Variants in MLLT3 observed in about 807,000 individuals in gnomAD.
MLLT3 encodes the protein protein AF-9.
Under a neutral mutation model 53.2 loss-of-function variants are expected in MLLT3, and 4 were observed. The ratio of observed to expected loss-of-function variants is 0.08; its 90% confidence interval spans 0.04 to 0.17. The LOEUF (loss-of-function observed/expected upper bound fraction) is 0.17. Ranked by LOEUF, MLLT3 falls within the 10% of genes least tolerant of loss-of-function variation. The pLI is 1.00. For synonymous variants in MLLT3, 283 were observed against 230.6 expected, an observed-to-expected ratio of 1.23 and a Z score of -2.06; for missense variants, 569 against 684.0, an observed-to-expected ratio of 0.83 and a Z score of 1.87.
At chr9:20,612,839 C>CA (rs1369134445) in intron 2 of MLLT3, among the ~76,000 whole-genome samples, 2 of 152,114 alleles carry the variant, frequency 1.3e-5, no homozygotes, top group African/African-American at 2.4e-5. Context: ...ATTTTCTTGA[C>CA]AGAGTATAAA....
intron 2 of MLLT3, among the ~76,000 whole-genome samples, chr9:20,517,449 C>CT (rs1563797234): frequency 2.7e-5 from 4 of 149,618 alleles, no homozygotes; most frequent in South Asian, 4.2e-4. Flanking sequence ...GAGTGAGACT[C>CT]TGTCTCAAAA....
At chr9:20,463,816 G>C (rs1193967219) in intron 2 of MLLT3, among the ~76,000 whole-genome samples, 2 of 152,018 alleles carry the variant, frequency 1.3e-5, no homozygotes, top group East Asian at 3.9e-4. Context: ...GTTAAACCTT[G>C]GGCAAAATAT....
At chr9:20,435,448 A>C (rs1823378141) in intron 4 of MLLT3, among the ~76,000 whole-genome samples, 1 of 152,180 alleles carries the variant, frequency 6.6e-6, no homozygotes, top group South Asian at 2.1e-4. Context: ...CTTGATAGAA[A>C]GCAAAACAAC....
intron 2 of MLLT3, among the ~76,000 whole-genome samples, chr9:20,583,908 C>T (rs1819876002): frequency 6.6e-6 from 1 of 152,154 alleles, no homozygotes; most frequent in South Asian, 2.1e-4. Flanking sequence ...AGGCTCCTTG[C>T]TACTTATGCA....
At chr9:20,573,952 G>A (rs1355072230) in intron 2 of MLLT3, among the ~76,000 whole-genome samples, 1 of 151,998 alleles carries the variant, frequency 6.6e-6, no homozygotes, top group Non-Finnish European at 1.5e-5. Flanking sequence ...TCATTTTTTG[G>A]GTTTGAGAAA....
chr9:20,483,800 C>T (rs760347026), intron 2 of MLLT3, among the ~76,000 whole-genome samples: 3 of 147,430 alleles, frequency 2.0e-5, no homozygotes, highest in South Asian at 2.2e-4. Context: ...GTCCGCCTCC[C>T]GAGTTCACGC....
chr9:20,479,488 T>C (rs1352165454), intron 2 of MLLT3, among the ~76,000 whole-genome samples: 1 of 152,218 alleles, frequency 6.6e-6, no homozygotes, highest in Non-Finnish European at 1.5e-5. Flanking sequence ...CAAATTAGGG[T>C]CCAGTTCTAA....
At chr9:20,590,345 G>T (rs963914201) in intron 2 of MLLT3, among the ~76,000 whole-genome samples, 19 of 152,188 alleles carry the variant, frequency 1.2e-4, no homozygotes, top group African/African-American at 4.3e-4. Flanking sequence ...TGGGTTGCAT[G>T]TGTCCCCTAT....
intron 2 of MLLT3, among the ~76,000 whole-genome samples, chr9:20,491,802 T>C (rs569514781): frequency 6.6e-6 from 1 of 152,262 alleles, no homozygotes; most frequent in East Asian, 1.9e-4. Flanking sequence ...TGCTGATGTT[T>C]TCTTGTGTGA....
chr9:20,436,932 T>C (rs2118827258), intron 4 of MLLT3, among the ~76,000 whole-genome samples: 1 of 152,260 alleles, frequency 6.6e-6, no homozygotes, highest in South Asian at 2.1e-4. Flanking sequence ...TTATCTCAAG[T>C]CATCCTCACA....
At chr9:20,464,791 G>C (rs1292344501) in intron 2 of MLLT3, among the ~76,000 whole-genome samples, 1 of 152,016 alleles carries the variant, frequency 6.6e-6, no homozygotes, top group Non-Finnish European at 1.5e-5. Context: ...CCCCTTACCT[G>C]ATTTCTTCCT....
In MLLT3 at chr9:20,343,352, CCTGAT is replaced by C. The variant is rs1204098582; in HGVS notation, c.*3086_*3090del. ...ACACTCTCTTAAGAGATATTTTTTT[CCTGAT>C]CTGAAGTTTTTATAGTCTTCCCTAC... is the stretch of plus-strand genomic sequence containing the variant. On this transcript the variant is annotated 3_prime_UTR_variant, in exon 11 of 11. Coordinates refer to ENST00000380338, the MANE Select transcript of MLLT3 (RefSeq NM_004529.4). 1.4e-5 allele frequency: 3 copies of C among 210,346 alleles called. No individual in the cohort carries two copies. The highest frequency in any genetic ancestry group is 4.6e-5 in the African/African-American group (2 of 43,868). 13.0% of individuals were successfully genotyped at this position (210,346 alleles called of 1,614,324 possible).
At chr9:20,417,069 C>T (rs1334811595) in intron 4 of MLLT3, among the ~76,000 whole-genome samples, 1 of 150,768 alleles carries the variant, frequency 6.6e-6, no homozygotes. Context: ...TCACCAGTCT[C>T]CATGTTTGTA....
chr9:20,425,209 G>C (rs541129537), intron 4 of MLLT3, among the ~76,000 whole-genome samples: 1 of 152,106 alleles, frequency 6.6e-6, no homozygotes, highest in Admixed American at 6.6e-5. Context: ...ATTTAAAATG[G>C]TGTCATATTA....
At chr9:20,408,838 G>A (rs578175213) in intron 5 of MLLT3, among the ~76,000 whole-genome samples, 1 of 152,190 alleles carries the variant, frequency 6.6e-6, no homozygotes, top group South Asian at 2.1e-4. Flanking sequence ...AGGGTGGGGC[G>A]GGAGGAAATG....
At position 20,342,594 on chromosome 9, in the gene MLLT3, CT is replaced by C; in HGVS notation, c.*3848del. 4.6e-6 allele frequency: 1 copy of C among 217,960 alleles called. No individual in the cohort carries two copies. Among genetic ancestry groups the C allele is most frequent in the East Asian group, 6.8e-5 (1 of 14,810 alleles). 13.5% of individuals were successfully genotyped at this position (217,960 alleles called of 1,614,324 possible). A position where few individuals can be genotyped will look rare whatever the true frequency, so the allele number is the denominator to read the frequency against. On this transcript the variant is annotated 3_prime_UTR_variant, in exon 11 of 11. Transcript: ENST00000380338. ...TACAGACAGCGGTGGCTTTGTCTTC[CT>C]TTTAAATTGACTTCTTCACTGCATC...
chr9:20,456,337 C>T (rs1257430221), intron 3 of MLLT3, among the ~76,000 whole-genome samples: 1 of 152,068 alleles, frequency 6.6e-6, no homozygotes, highest in Non-Finnish European at 1.5e-5. Flanking sequence ...TGAGAGTATT[C>T]TTTGCAAGCC....
intron 2 of MLLT3, among the ~76,000 whole-genome samples, chr9:20,483,562 A>C (rs1414364562): frequency 6.6e-6 from 1 of 151,816 alleles, no homozygotes; most frequent in Non-Finnish European, 1.5e-5. Context: ...AGGAGAAAAT[A>C]TGTGCACCTA....
At chr9:20,415,332 T>C (rs1586932585) in intron 4 of MLLT3, 23 of 342,026 alleles carry the variant, frequency 6.7e-5, no homozygotes, top group Non-Finnish European at 9.5e-5. Flanking sequence ...TGCTGCCTAT[T>C]TCATTTTAAA....
Sources: gnomAD v4.1 joint callset for allele counts (sites outside exome capture counted in the v4.1 genomes callset) on GRCh38, gnomAD v4.1.1 for gene constraint, MANE v1.5 for transcripts, NCBI Gene and HGNC (gene_info 2026-07-23, HGNC 2026-07-21) for gene names.